The following CTDSPL2 variants were observed in gnomAD, a reference collection of about 807,000 sequenced individuals.
The protein encoded by CTDSPL2 is CTD small phosphatase-like protein 2.
A neutral mutation model predicts 60.0 loss-of-function variants in CTDSPL2; 5 were observed. The ratio of observed to expected loss-of-function variants is 0.08; its 90% CI spans 0.04 to 0.18. The LOEUF (loss-of-function observed/expected upper bound fraction) is 0.18, where lower values mean the gene tolerates loss of function less well. Ranked by LOEUF, CTDSPL2 falls within the 10% of genes least tolerant of loss-of-function variation. The probability of loss-of-function intolerance (pLI) is 1.00; values close to 1 mark genes in which losing one functional copy is unlikely to be tolerated. For synonymous variants in CTDSPL2, 186 were observed against 189.3 expected (o/e 0.98, Z 0.14); for missense variants, 370 against 548.8 (o/e 0.67, Z 3.26).
intron 2 of CTDSPL2, among the ~76,000 whole-genome samples, chr15:44,474,418 A>C (rs147173205): frequency 0.029 from 4,450 of 151,970 alleles, 234 homozygotes; most frequent in African/African-American, 0.1. Context: ...TGAACCCAGG[A>C]GGCGGAGGTT....
At chr15:44,517,348 A>C (rs2081672830) in intron 10 of CTDSPL2, 1 of 151,344 alleles carries the variant, frequency 6.6e-6, no homozygotes, top group Non-Finnish European at 1.5e-5. Context: ...GTCTCTACTA[A>C]AAATACAAAA....
intron 2 of CTDSPL2, among the ~76,000 whole-genome samples, chr15:44,472,253 A>G (rs908683115): frequency 6.6e-6 from 1 of 152,182 alleles, no homozygotes; most frequent in Admixed American, 6.5e-5. Context: ...TAGCTTTTTA[A>G]GGAACTGCCA....
intron 8 of CTDSPL2, among the ~76,000 whole-genome samples, chr15:44,507,659 T>C (rs1471667829): frequency 6.6e-6 from 1 of 152,228 alleles, no homozygotes; most frequent in Non-Finnish European, 1.5e-5. Flanking sequence ...GCTAAGAACA[T>C]GTGAACTAAA....
chr15:44,521,283 G>C, intron 11 of CTDSPL2, 28 bp from the exon 12 acceptor site: 3 of 1,073,116 alleles, frequency 2.8e-6, no homozygotes, highest in Non-Finnish European at 4.2e-6. Flanking sequence ...AAGTAAAAGA[G>C]GATTTAATTA....
intron 1 of CTDSPL2, among the ~76,000 whole-genome samples, chr15:44,456,440 A>C (rs569915873): frequency 2.0e-4 from 30 of 152,222 alleles, no homozygotes; most frequent in Non-Finnish European, 3.8e-4. Context: ...TTCTATTCAG[A>C]GATTCAACTT....
intron 2 of CTDSPL2, among the ~76,000 whole-genome samples, chr15:44,476,549 CATGGACCACCTT>C (rs2080920263): frequency 6.6e-6 from 1 of 152,104 alleles, no homozygotes; most frequent in Admixed American, 6.6e-5. Flanking sequence ...TTTAGGTCAG[CATGGACCACCTT>C]ATGGTCCAAT....
At chr15:44,446,222 C>T (rs1245708260) in intron 1 of CTDSPL2, among the ~76,000 whole-genome samples, 2 of 152,162 alleles carry the variant, frequency 1.3e-5, no homozygotes, top group East Asian at 3.8e-4. Context: ...CCATGCCCTG[C>T]CATAAACTTA....
At chr15:44,462,298 G>A (rs2080587354) in intron 2 of CTDSPL2, among the ~76,000 whole-genome samples, 1 of 152,108 alleles carries the variant, frequency 6.6e-6, no homozygotes, top group African/African-American at 2.4e-5. Flanking sequence ...CTTAATCTCT[G>A]TTGGTCAGCA....
At position 44,496,441 on chromosome 15, in the gene CTDSPL2, C is replaced by T; in HGVS notation, c.753C>T (p.Asp251=). The change falls in exon 6 of 13, where the codon GAC becomes GAT. Residue 251 remains aspartate, a synonymous_variant. Transcript: ENST00000260327. ...SAHAEATYEE[D]WEVFDPYYFI... Reference sequence around the variant, plus strand: ...ACGCGGAGGCCACCTATGAAGAAGACTGGGAAGTATTTGACCCGTGAGTTG... The same window carrying T: ...ACGCGGAGGCCACCTATGAAGAAGATTGGGAAGTATTTGACCCGTGAGTTG... 1.9e-6 allele frequency: 3 copies of T among 1,613,596 alleles called. No homozygotes were observed. The South Asian group carries it at 3.3e-5, about 18-fold the overall frequency.
At chr15:44,439,946 G>C (rs2080051521) in intron 1 of CTDSPL2, among the ~76,000 whole-genome samples, 1 of 152,142 alleles carries the variant, frequency 6.6e-6, no homozygotes, top group Non-Finnish European at 1.5e-5. Context: ...TTTTCTGGAA[G>C]AGTTTATGTA....
chr15:44,483,130 G>A (rs556350561), intron 2 of CTDSPL2, among the ~76,000 whole-genome samples: 365 of 152,044 alleles, frequency 2.4e-3, no homozygotes, highest in Non-Finnish European at 3.3e-3. Context: ...GTGGTGGTGC[G>A]TGCCTGTAAT....
chr15:44,475,227 G>A (rs2080892170), intron 2 of CTDSPL2, among the ~76,000 whole-genome samples: 1 of 151,916 alleles, frequency 6.6e-6, no homozygotes, highest in Non-Finnish European at 1.5e-5. Context: ...TGGAAAGTGG[G>A]AGGGCATGCT....
chr15:44,462,339 TC>T (rs2080588210), intron 2 of CTDSPL2, among the ~76,000 whole-genome samples: 1 of 152,098 alleles, frequency 6.6e-6, no homozygotes, highest in Non-Finnish European at 1.5e-5. Flanking sequence ...GGAACAGCAG[TC>T]CCCAACCGTT....
intron 4 of CTDSPL2, among the ~76,000 whole-genome samples, chr15:44,487,050 G>C (rs1374224779): frequency 6.6e-6 from 1 of 152,074 alleles, no homozygotes; most frequent in Non-Finnish European, 1.5e-5. Flanking sequence ...TTACAGATGT[G>C]AGCAACTGTG....
At chr15:44,522,506 A>G (rs1322619348) in intron 12 of CTDSPL2, among the ~76,000 whole-genome samples, 1 of 152,144 alleles carries the variant, frequency 6.6e-6, no homozygotes, top group Non-Finnish European at 1.5e-5. Flanking sequence ...TAATCCCAGT[A>G]CTTTGGGAGG....
intron 1 of CTDSPL2, among the ~76,000 whole-genome samples, chr15:44,434,475 C>G (rs540145771): frequency 2.0e-5 from 3 of 152,200 alleles, no homozygotes; most frequent in Non-Finnish European, 4.4e-5. Flanking sequence ...TTTACTGCAG[C>G]CTTCACCTCC....
At chr15:44,474,781 G>C (rs1046422813) in intron 2 of CTDSPL2, among the ~76,000 whole-genome samples, 5 of 151,844 alleles carry the variant, frequency 3.3e-5, no homozygotes, top group African/African-American at 1.2e-4. Flanking sequence ...GCTTGAACCC[G>C]GGAGGCAGAG....
intron 8 of CTDSPL2, among the ~76,000 whole-genome samples, chr15:44,504,222 T>C (rs1595766515): frequency 6.6e-6 from 1 of 151,104 alleles, no homozygotes; most frequent in South Asian, 2.1e-4. Context: ...TGGTGGCAGG[T>C]GCCTGTAATC....
chr15:44,473,440 C>T (rs1275324976), intron 2 of CTDSPL2, among the ~76,000 whole-genome samples: 1 of 152,078 alleles, frequency 6.6e-6, no homozygotes, highest in Non-Finnish European at 1.5e-5. Context: ...GGACTACAGG[C>T]GCCCGCCACC....
Sources: allele counts gnomAD v4.1 joint callset (sites outside exome capture counted in the v4.1 genomes callset), GRCh38; gene constraint gnomAD v4.1.1; transcripts MANE v1.5; gene names NCBI Gene and HGNC (gene_info 2026-07-23, HGNC 2026-07-21).